SH3GL2: variants seen among roughly 807,000 people sequenced by gnomAD.
The protein encoded by SH3GL2 is SH3 domain containing GRB2 like 2, endophilin A1.
A neutral mutation model predicts 46.0 loss-of-function variants in SH3GL2; 24 were observed. That is an observed-to-expected ratio of 0.52 (90% CI 0.38 to 0.73). The LOEUF (loss-of-function observed/expected upper bound fraction) is 0.73. SH3GL2 is among the 30% of genes least tolerant of loss of function. SH3GL2 has a pLI of 0.00. For synonymous variants in SH3GL2, 196 were observed against 147.1 expected, an observed-to-expected ratio of 1.33 and a Z score of -2.40; for missense variants, 413 against 424.2, an observed-to-expected ratio of 0.97 and a Z score of 0.23.
intron 1 of SH3GL2, among the ~76,000 whole-genome samples, chr9:17,638,446 C>G (rs1819597591): frequency 6.6e-6 from 1 of 152,042 alleles, no homozygotes; most frequent in Non-Finnish European, 1.5e-5. Flanking sequence ...ACAAAAAAGT[C>G]AACAAGTAAA....
chr9:17,757,670 A>C (rs1187806647), intron 2 of SH3GL2, among the ~76,000 whole-genome samples: 1 of 152,208 alleles, frequency 6.6e-6, no homozygotes, highest in Non-Finnish European at 1.5e-5. Context: ...GGACATTGAG[A>C]AAAATAACAG....
rs147708922 is a variant in SH3GL2, at chr9:17,644,974, C to G, written c.45+65687C>G. On this transcript the variant is annotated intron_variant, in intron 1 of 8. Coordinates refer to ENST00000380607, the MANE Select transcript of SH3GL2 (RefSeq NM_003026.5). ...TGGGAGCCTAAGTTTCTTTGTAGGTCTCTAAGAAGTTGCTTTATTAATCTG... is the reference window on the plus strand; with the variant it reads ...TGGGAGCCTAAGTTTCTTTGTAGGTGTCTAAGAAGTTGCTTTATTAATCTG... Among the ~76,000 whole-genome samples the G allele has an allele frequency of 2.0e-5, 3 of 151,980 alleles. No individual in the cohort carries two copies. The East Asian group carries it at 5.8e-4, about 29-fold the overall frequency.
chr9:17,609,050 T>C (rs1233991986), intron 1 of SH3GL2, among the ~76,000 whole-genome samples: 1 of 152,180 alleles, frequency 6.6e-6, no homozygotes. Flanking sequence ...GAATGGGGGA[T>C]CCAGAGCTGA....
At position 17,728,513 on chromosome 9, in the gene SH3GL2, C is replaced by G. The variant is rs142736527; in HGVS notation, c.46-18553C>G. Among the ~76,000 whole-genome samples, 382 of 152,116 alleles carry G rather than the reference C, an allele frequency of 2.5e-3. 3 individuals carry two copies. The highest frequency in any genetic ancestry group is 8.7e-3 in the African/African-American group (360 of 41,494). On this transcript the variant is annotated intron_variant, in intron 1 of 8. Coordinates refer to ENST00000380607, the MANE Select transcript of SH3GL2 (RefSeq NM_003026.5). Reference sequence around the variant, plus strand: ...TTATTATACTTTAAGTTCTGGGATACATGTGCAGAACGTGCAGGTTTGTTA... The same window carrying G: ...TTATTATACTTTAAGTTCTGGGATAGATGTGCAGAACGTGCAGGTTTGTTA...
chr9:17,627,569 A>C lies in SH3GL2; in HGVS notation c.45+48282A>C, dbSNP rs576796319. ...ATTATTACAAGGTATTTTTAATGTC[A>C]CATTGGCATGAAAAATTTTAATTCT... On this transcript the variant is annotated intron_variant, in intron 1 of 8. Coordinates refer to ENST00000380607, the MANE Select transcript of SH3GL2 (RefSeq NM_003026.5). Among the ~76,000 whole-genome samples, 65 of 152,366 alleles carry C rather than the reference A, an allele frequency of 4.3e-4. No individual in the cohort carries two copies. The East Asian group carries it at 0.012, about 28-fold the overall frequency.
chr9:17,580,783 A>G (rs1393119920), intron 1 of SH3GL2, among the ~76,000 whole-genome samples: 2 of 152,148 alleles, frequency 1.3e-5, no homozygotes, highest in African/African-American at 4.8e-5. Flanking sequence ...GATATTACTA[A>G]CCTTTTTGAT....
At position 17,711,377 on chromosome 9, in the gene SH3GL2, A is replaced by G. The variant is rs540165333; in HGVS notation, c.46-35689A>G. Among the ~76,000 whole-genome samples, 13 of 152,000 alleles carry G rather than the reference A, an allele frequency of 8.6e-5. No individual in the cohort carries two copies. The South Asian group carries it at 1.7e-3, about 19-fold the overall frequency. On this transcript the variant is annotated intron_variant, in intron 1 of 8. Coordinates refer to ENST00000380607, the MANE Select transcript of SH3GL2 (RefSeq NM_003026.5). ...CATATAGCATGATAAGTTTTGACAT[A>G]TATATACATCTGTGAATTGATCACT...
At chr9:17,737,171 A>G (rs200209199) in intron 1 of SH3GL2, among the ~76,000 whole-genome samples, 7 of 151,824 alleles carry the variant, frequency 4.6e-5, no homozygotes, top group Non-Finnish European at 8.8e-5. Context: ...ATGGACACAG[A>G]GAGGGGAACA....
intron 2 of SH3GL2, chr9:17,755,903 C>T: frequency 9.9e-6 from 3 of 302,920 alleles, no homozygotes; most frequent in Non-Finnish European, 9.7e-6. Flanking sequence ...TCTTTAGTAT[C>T]TTGTCTCTAA....
At chr9:17,642,132 T>C (rs148338071) in intron 1 of SH3GL2, among the ~76,000 whole-genome samples, 30 of 152,326 alleles carry the variant, frequency 2.0e-4, no homozygotes, top group African/African-American at 7.0e-4. Flanking sequence ...TTTTTTCATA[T>C]GTTTATTGGC....
intron 1 of SH3GL2, among the ~76,000 whole-genome samples, chr9:17,727,925 G>A (rs1204504142): frequency 6.6e-6 from 1 of 151,964 alleles, no homozygotes; most frequent in East Asian, 1.9e-4. Flanking sequence ...CTGCTTTGGA[G>A]GACTCCAGAC....
intron 1 of SH3GL2, 65 bp from the exon 2 acceptor site, chr9:17,747,001 A>C: frequency 8.8e-7 from 1 of 1,137,358 alleles, no homozygotes; most frequent in Non-Finnish European, 1.3e-6. Flanking sequence ...AAGTGCTTAA[A>C]ATTTCTAACA....
At chr9:17,683,545 C>A (rs1370802889) in intron 1 of SH3GL2, among the ~76,000 whole-genome samples, 2 of 151,954 alleles carry the variant, frequency 1.3e-5, no homozygotes, top group African/African-American at 2.4e-5. Context: ...TATTAGAGAT[C>A]TCCTAACATT....
chr9:17,708,760 C>T (rs373455109), intron 1 of SH3GL2, among the ~76,000 whole-genome samples: 17 of 152,000 alleles, frequency 1.1e-4, no homozygotes, highest in Admixed American at 2.0e-4. Context: ...AGGCTGTTTG[C>T]ATGGCCCCAT....
rs537020499 is a variant in SH3GL2, at chr9:17,695,367, G to C, written c.46-51699G>C. On this transcript the variant is annotated intron_variant, in intron 1 of 8. Transcript: ENST00000380607. Reference sequence around the variant, plus strand: ...CATACACAGTGGAGTAGATGCCTGAGGTTGTCAGCAAATATTGAAGATTTT... The same window carrying C: ...CATACACAGTGGAGTAGATGCCTGACGTTGTCAGCAAATATTGAAGATTTT... Among the ~76,000 whole-genome samples, 12 of 152,264 alleles carry C rather than the reference G, an allele frequency of 7.9e-5. No homozygotes were observed. The East Asian group carries it at 1.9e-3, about 24-fold the overall frequency.
At chr9:17,613,452 C>T (rs1236930879) in intron 1 of SH3GL2, among the ~76,000 whole-genome samples, 3 of 152,080 alleles carry the variant, frequency 2.0e-5, no homozygotes, top group African/African-American at 7.2e-5. Flanking sequence ...ATATTTTTGG[C>T]AAGAAATCAC....
At chr9:17,637,325 G>A (rs150814815) in intron 1 of SH3GL2, among the ~76,000 whole-genome samples, 1 of 152,292 alleles carries the variant, frequency 6.6e-6, no homozygotes, top group East Asian at 1.9e-4. Flanking sequence ...CAGGCCCAAC[G>A]AGAGTATTCT....
chr9:17,677,301 G>C (rs1172841707), intron 1 of SH3GL2, among the ~76,000 whole-genome samples: 1 of 151,706 alleles, frequency 6.6e-6, no homozygotes, highest in East Asian at 1.9e-4. Context: ...GCTTATCTTT[G>C]ACTTTTATAC....
At chr9:17,749,695 A>G (rs1822790902) in intron 2 of SH3GL2, among the ~76,000 whole-genome samples, 1 of 152,196 alleles carries the variant, frequency 6.6e-6, no homozygotes, top group African/African-American at 2.4e-5. Flanking sequence ...AACTGAGTAG[A>G]ATTTATCACT....
Sources: gnomAD v4.1 joint callset for allele counts (sites outside exome capture counted in the v4.1 genomes callset) on GRCh38, gnomAD v4.1.1 for gene constraint, MANE v1.5 for transcripts, NCBI Gene and HGNC (gene_info 2026-07-23, HGNC 2026-07-21) for gene names.